The following TIAM2 variants were observed in gnomAD, a reference collection of about 807,000 sequenced individuals.
The protein encoded by TIAM2 is TIAM Rac1 associated GEF 2.
TIAM2 carries 80 observed loss-of-function variants against 152.9 expected under a neutral mutation model. The observed-to-expected ratio is 0.52, with a 90% CI of 0.44 to 0.63. The LOEUF is 0.63. Among genes scored for constraint, TIAM2 ranks in the 30% least tolerant of loss-of-function variants. The pLI, the probability that TIAM2 is intolerant of heterozygous loss-of-function variation, is 0.00. For synonymous variants in TIAM2, 804 were observed against 838.0 expected, an observed-to-expected ratio of 0.96 and a Z score of 0.70; for missense variants, 1,965 against 2,120.1, an observed-to-expected ratio of 0.93 and a Z score of 1.44.
Position 155,136,216 on chromosome 6 carries a change from C to G in TIAM2, c.1195-961C>G, listed in dbSNP as rs1049950546. ...TCTCAAAAAAAAAAAAAAAGAAAAA[C>G]AAAAAAGCTATAGTTACTAGCCAGT... On this transcript the variant is annotated intron_variant, in intron 4 of 26. Coordinates refer to ENST00000682666, the MANE Select transcript of TIAM2 (RefSeq NM_012454.4). Among the ~76,000 whole-genome samples, 233 of 147,472 alleles carry G rather than the reference C, an allele frequency of 1.6e-3. 2 individuals are homozygous for G. The highest frequency in any genetic ancestry group is 5.6e-3 in the African/African-American group (225 of 40,274).
intron 1 of TIAM2, among the ~76,000 whole-genome samples, chr6:155,000,700 TCCGTTCAGG>T (rs752493971): frequency 2.0e-5 from 3 of 151,956 alleles, no homozygotes; most frequent in African/African-American, 7.2e-5. Flanking sequence ...TGAAACCAGT[TCCGTTCAGG>T]CACCTTGGCT....
chr6:155,230,999 A>ATTTTT, intron 15 of TIAM2, among the ~76,000 whole-genome samples: 1 of 146,910 alleles, frequency 6.8e-6, no homozygotes, highest in Non-Finnish European at 1.5e-5. Flanking sequence ...AGCCTGGCTA[A>ATTTTT]TTTTTTTTTT....
intron 2 of TIAM2, among the ~76,000 whole-genome samples, chr6:155,114,036 A>T (rs555681162): frequency 0.14 from 4,938 of 35,054 alleles, 299 homozygotes; most frequent in East Asian, 0.16. Context: ...ATATATATAT[A>T]TTTTTTTTTT....
intron 12 of TIAM2, 26 bp downstream of exon 12, chr6:155,179,482 G>A (rs773552433): frequency 6.3e-7 from 1 of 1,581,354 alleles, no homozygotes; most frequent in Non-Finnish European, 8.6e-7. Context: ...GCCCCTTTCA[G>A]GGAATTGTGT....
chr6:155,221,219 G>C (rs1185770709), intron 15 of TIAM2, among the ~76,000 whole-genome samples: 1 of 151,538 alleles, frequency 6.6e-6, no homozygotes, highest in Non-Finnish European at 1.5e-5. Flanking sequence ...GTTTTAGAGA[G>C]CAGCGCTGTG....
Position 155,168,998 on chromosome 6 carries a change from T to TTG in TIAM2, c.2361+3590_2361+3591insGT, listed in dbSNP as rs1315536814. On this transcript the variant is annotated intron_variant, in intron 9 of 26. Transcript: ENST00000682666. ...ACTTTTTCTGTTTTTTTTTGTTTGTTTTTGTTTTTGTTTTTGAGACGGAGT... is the reference window on the plus strand; with the variant it reads ...ACTTTTTCTGTTTTTTTTTGTTTGTTTGTTTGTTTTTGTTTTTGAGACGGAGT... 507 of 1,297,242 alleles carry TTG rather than the reference T, an allele frequency of 3.9e-4. 3 individuals are homozygous for TTG. In the African/African-American group the frequency reaches 6.7e-3, roughly 17 times the overall value. The allele number at this position is 1,297,242 out of a possible 1,614,324, so 80.4% of individuals were successfully genotyped here.
At chr6:155,115,836 T>C (rs765515799) in intron 2 of TIAM2, among the ~76,000 whole-genome samples, 2 of 152,166 alleles carry the variant, frequency 1.3e-5, no homozygotes, top group Non-Finnish European at 2.9e-5. Flanking sequence ...AAGAAAGGAT[T>C]GGTCAGGCGT....
At position 155,129,629 on chromosome 6, in the gene TIAM2, C is replaced by T. The variant is rs1442303338; in HGVS notation, c.406C>T (p.His136Tyr). ...CATCACCTCCAGAGACTGCAACGGACACCTTCTCAACTGCTACGGGAGGAA... is the reference window on the plus strand; with the variant it reads ...CATCACCTCCAGAGACTGCAACGGATACCTTCTCAACTGCTACGGGAGGAA... ...NHITSRDCNG[H>Y]LLNCYGRNES... Residue 136 changes from histidine to tyrosine, a missense_variant, in exon 4 of 27, where the codon CAC becomes TAC. His to Tyr is a moderately conservative substitution (Grantham distance 83). Around this residue, in one of 3 missense-constraint regions of TIAM2, gnomAD observed 1,025 missense variants for 1,119.4 expected, o/e 0.92. Coordinates refer to ENST00000682666, the MANE Select transcript of TIAM2 (RefSeq NM_012454.4). This position sits in a 1 kb window ranked among gnomAD's most constrained non-coding sequence, Gnocchi z 4.8. The T allele has an allele frequency of 1.9e-6, 3 of 1,614,004 alleles. No individual in the cohort carries two copies. Among genetic ancestry groups the T allele is most frequent in the South Asian group, 2.2e-5 (2 of 91,084 alleles).
chr6:155,054,974 A>T (rs1777409886), intron 1 of TIAM2, among the ~76,000 whole-genome samples: 1 of 151,832 alleles, frequency 6.6e-6, no homozygotes, highest in African/African-American at 2.4e-5. Flanking sequence ...CTGTAATGTT[A>T]TTTTTCCTAG....
At chr6:155,096,097 T>G (rs919965435) in intron 2 of TIAM2, among the ~76,000 whole-genome samples, 2 of 152,246 alleles carry the variant, frequency 1.3e-5, no homozygotes, top group South Asian at 2.1e-4. Context: ...GCATTTTATT[T>G]AATTTCAAAA....
At chr6:155,147,560 A>C (rs898186286) in intron 6 of TIAM2, among the ~76,000 whole-genome samples, 83 of 152,274 alleles carry the variant, frequency 5.5e-4, no homozygotes, top group African/African-American at 1.9e-3. Flanking sequence ...ATCTTGGCTG[A>C]CTGCAACCTC....
chr6:155,044,486 T>A (rs529161566), intron 1 of TIAM2, among the ~76,000 whole-genome samples: 1 of 151,554 alleles, frequency 6.6e-6, no homozygotes, highest in African/African-American at 2.4e-5. Context: ...ATAATTTTTC[T>A]TCTCTTCCTA....
chr6:155,061,929 T>C (rs1479621456), intron 1 of TIAM2, among the ~76,000 whole-genome samples: 1 of 152,222 alleles, frequency 6.6e-6, no homozygotes. Context: ...AGTGCTGTAC[T>C]GAACAGTTCT....
chr6:155,255,686 G>C (rs1472303054), intron 26 of TIAM2: 2 of 152,076 alleles, frequency 1.3e-5, no homozygotes, highest in African/African-American at 4.8e-5. Context: ...AGCAGAGACA[G>C]TTCTCATATG....
chr6:155,014,823 C>T (rs761121474), intron 1 of TIAM2, among the ~76,000 whole-genome samples: 9 of 152,210 alleles, frequency 5.9e-5, no homozygotes, highest in Non-Finnish European at 8.8e-5. Flanking sequence ...GTTTACCTTT[C>T]TGATTCCTTC....
At position 155,166,620 on chromosome 6, in the gene TIAM2, C is replaced by G. The variant is rs956028735; in HGVS notation, c.2361+1211C>G. 5.7e-4 allele frequency among the ~76,000 whole-genome samples: 86 copies of G among 152,188 alleles called. 1 individual carries two copies. The highest frequency in any genetic ancestry group is 2.0e-3 in the African/African-American group (81 of 41,448). On this transcript the variant is annotated intron_variant, in intron 9 of 26. Coordinates refer to ENST00000682666, the MANE Select transcript of TIAM2 (RefSeq NM_012454.4). Reference sequence around the variant, plus strand: ...ACAGGCGTGAGCCACCGTGCCTGGCCTCTTCTAACATTTTTATTAAGGAAA... The same window carrying G: ...ACAGGCGTGAGCCACCGTGCCTGGCGTCTTCTAACATTTTTATTAAGGAAA...
At chr6:155,136,600 A>G (rs1562328256) in intron 4 of TIAM2, among the ~76,000 whole-genome samples, 1 of 152,166 alleles carries the variant, frequency 6.6e-6, no homozygotes, top group Non-Finnish European at 1.5e-5. Context: ...AACTGGGAAA[A>G]TAAGATACTA....
chr6:155,110,769 A>G (rs1159277820), intron 2 of TIAM2, among the ~76,000 whole-genome samples: 1 of 152,248 alleles, frequency 6.6e-6, no homozygotes, highest in Non-Finnish European at 1.5e-5. Flanking sequence ...TTGGAAAAGT[A>G]AAGTTTACAC....
intron 12 of TIAM2, among the ~76,000 whole-genome samples, chr6:155,181,144 G>A (rs1013848084): frequency 6.6e-6 from 1 of 152,170 alleles, no homozygotes; most frequent in African/African-American, 2.4e-5. Context: ...CTAGGGAACA[G>A]GACATTCTTG....
Sources: gnomAD v4.1 joint callset for allele counts (sites outside exome capture counted in the v4.1 genomes callset) on GRCh38, gnomAD v4.1.1 for gene constraint, gnomAD v4.1.1 regional missense constraint, Gnocchi (gnomAD v3.1) non-coding constraint, MANE v1.5 for transcripts, NCBI Gene and HGNC (gene_info 2026-07-23, HGNC 2026-07-21) for gene names.